The following UTP20 variants were observed in gnomAD, a reference collection of about 807,000 sequenced individuals.
UTP20 encodes the protein small subunit processome component 20 homolog.
In UTP20, 164 loss-of-function variants were observed where a neutral mutation model predicts 329.5. The ratio of observed to expected loss-of-function variants is 0.50; its 90% CI spans 0.44 to 0.57. The LOEUF is 0.57. Among genes scored for constraint, UTP20 ranks in the 20% least tolerant of loss-of-function variants. The probability of loss-of-function intolerance (pLI) is 0.00; values close to 1 mark genes in which losing one functional copy is unlikely to be tolerated. For missense variants in UTP20, 3,055 were observed against 3,284.2 expected, an observed-to-expected ratio of 0.93 and a Z score of 1.71; for synonymous variants, 1,151 against 1,159.3, an observed-to-expected ratio of 0.99 and a Z score of 0.14.
At position 101,319,566 on chromosome 12, in the gene UTP20, A is replaced by T. The variant is rs771779384; in HGVS notation, c.2760A>T (p.Gln920His). Residue 920 changes from glutamine to histidine, a missense_variant, in exon 23 of 62, where the codon CAA becomes CAT. Transcript: ENST00000261637. ...AAAKQLIAHL[Q>H]VFSKFSNPRA... ...TTAGGCAATTAATTGCTCATTTGCA[A>T]GTTTTCTCTAAATTTTCAAATCCAC... is the stretch of plus-strand genomic sequence containing the variant. 1 of 1,607,376 alleles carries T rather than the reference A, an allele frequency of 6.2e-7. No individual in the cohort carries two copies. Among genetic ancestry groups the T allele is most frequent in the African/African-American group, 1.3e-5 (1 of 74,590 alleles).
chr12:101,329,482 T>C (rs766595930), intron 27 of UTP20, 33 bp downstream of exon 27: 16 of 1,563,920 alleles, frequency 1.0e-5, no homozygotes, highest in Non-Finnish European at 2.6e-6. Context: ...TCAAGTCAAG[T>C]GCTTGAACTG....
In UTP20 at chr12:101,288,982, C is replaced by T. The variant is rs761702669; in HGVS notation, c.538C>T (p.His180Tyr). 1 of 1,613,818 alleles carries T rather than the reference C, an allele frequency of 6.2e-7. No homozygotes were observed. Among genetic ancestry groups the T allele is most frequent in the East Asian group, 2.2e-5 (1 of 44,870 alleles). ...TAGCATGTACAGCACACTCCTGGCT[C>T]ATAAAAAACTACATATAAGAAATTT... ...IYSMYSTLLA[H>Y]KKLHIRNFAA... Residue 180 changes from histidine (H) to tyrosine (Y), a missense_variant, in exon 6 of 62, where the codon CAT becomes TAT. Around this residue, in one of 3 missense-constraint regions of UTP20, gnomAD observed 2,445 missense variants for 2,575.5 expected, o/e 0.95. Coordinates refer to ENST00000261637, the MANE Select transcript of UTP20 (RefSeq NM_014503.3).
chr12:101,356,499 G>A (rs940448510), intron 41 of UTP20, 55 bp from the exon 42 acceptor site: 25 of 1,454,310 alleles, frequency 1.7e-5, no homozygotes, highest in Non-Finnish European at 2.2e-5. Flanking sequence ...TGCAGTGTTG[G>A]TAGATCACTG....
chr12:101,295,493 G>T lies in UTP20; in HGVS notation c.1265G>T (p.Ser422Ile). 1 of 1,582,030 alleles carries T rather than the reference G, an allele frequency of 6.3e-7. No homozygotes were observed. The highest frequency in any genetic ancestry group is 8.6e-7 in the Non-Finnish European group (1 of 1,161,450). ...MKQFEQLFLP[S>I]FLSYIVNCFL... Reference sequence around the variant, plus strand: ...TCTTAACTTTAGCTTTTTCTACCAAGCTTTCTGTCATATATTGTGAATTGC... The same window carrying T: ...TCTTAACTTTAGCTTTTTCTACCAATCTTTCTGTCATATATTGTGAATTGC... Residue 422 changes from serine to isoleucine, a missense_variant, in exon 12 of 62, where the codon AGC (serine) becomes ATC (isoleucine). Physicochemically the swap from Ser to Ile is moderately radical, Grantham distance 142. Transcript: ENST00000261637.
rs1872132223 is a variant in UTP20, at chr12:101,291,102, A to C, written c.891+214A>C. ...AGATGCAGTAGAAGGCTCTGGAGCC[A>C]GACTGCCTGTTTGAATCTTGACCCT... On this transcript the variant is annotated intron_variant, in intron 8 of 61. Transcript: ENST00000261637. 7.1e-6 allele frequency: 3 copies of C among 420,042 alleles called. No homozygotes were observed. The South Asian group carries it at 1.7e-4, about 24-fold the overall frequency. The allele number at this position is 420,042 out of a possible 1,614,324, so 26.0% of individuals were successfully genotyped here.
In UTP20 at chr12:101,319,590, A is replaced by G; in HGVS notation, c.2784A>G (p.Pro928=). 6.2e-7 allele frequency: 1 copy of G among 1,608,516 alleles called. No individual in the cohort carries two copies. The highest frequency in any genetic ancestry group is 8.5e-7 in the Non-Finnish European group (1 of 1,179,224). The change falls in exon 23 of 62, where the codon CCA becomes CCG. Residue 928 remains proline, a synonymous_variant. Transcript: ENST00000261637. ...AAGTTTTCTCTAAATTTTCAAATCC[A>G]CGGGCCTTATATCTGGAATCCAAAC... ...HLQVFSKFSN[P]RALYLESKLY...
chr12:101,291,668 C>T (rs2137234769), intron 8 of UTP20, 74 bp from the exon 9 acceptor site: 5 of 1,443,344 alleles, frequency 3.5e-6, no homozygotes, highest in Non-Finnish European at 3.7e-6. Flanking sequence ...TTGAACTGTC[C>T]CACAGTTTTT....
At chr12:101,329,877 C>T (rs1322785837) in intron 27 of UTP20, among the ~76,000 whole-genome samples, 2 of 151,674 alleles carry the variant, frequency 1.3e-5, no homozygotes, top group Non-Finnish European at 2.9e-5. Context: ...CGGTAGTGCA[C>T]ACCTGTACTC....
In UTP20 at chr12:101,383,039, A is replaced by T; in HGVS notation, c.7657-2A>T. ...CTTCCCCCACCCCGTTTTTTTTTAA[A>T]GGTTGTTAAGAATTTGTTGTTCGCA... On this transcript the variant is annotated splice_acceptor_variant, in intron 58 of 61. Transcript: ENST00000261637. LOFTEE classifies it high-confidence loss of function. The T allele has an allele frequency of 6.3e-7, 1 of 1,579,586 alleles. No individual in the cohort carries two copies. The highest frequency in any genetic ancestry group is 1.9e-5 in the Admixed American group (1 of 51,308).
At chr12:101,364,017 T>C (rs1870015860) in intron 45 of UTP20, among the ~76,000 whole-genome samples, 1 of 152,068 alleles carries the variant, frequency 6.6e-6, no homozygotes, top group African/African-American at 2.4e-5. Flanking sequence ...CATGAAGAAA[T>C]CCAGAGGCAC....
intron 5 of UTP20, among the ~76,000 whole-genome samples, chr12:101,288,495 A>C (rs557947267): frequency 6.6e-6 from 1 of 152,344 alleles, no homozygotes; most frequent in African/African-American, 2.4e-5. Context: ...AACACAGAGT[A>C]AGTGCTTATA....
At position 101,309,831 on chromosome 12, in the gene UTP20, A is replaced by G. The variant is rs376030827; in HGVS notation, c.2223A>G (p.Glu741=). The part of the protein sequence containing the change: ...NFSALWDPVI[E]LISSHAHEME... ...GTGCACTCTGGGATCCTGTTATTGA[A>G]CTCATAAGGTAAACATGGGTTAAAT... Residue 741 remains glutamate, a synonymous_variant, in exon 19 of 62, where the codon GAA becomes GAG. Transcript: ENST00000261637. 1.9e-6 allele frequency: 3 copies of G among 1,613,418 alleles called. No individual in the cohort carries two copies. Among genetic ancestry groups the G allele is most frequent in the Non-Finnish European group, 2.5e-6 (3 of 1,179,822 alleles).
intron 41 of UTP20, among the ~76,000 whole-genome samples, chr12:101,355,633 G>T (rs531650493): frequency 6.6e-6 from 1 of 152,240 alleles, no homozygotes; most frequent in Admixed American, 6.5e-5. Flanking sequence ...ACTTGTTTAC[G>T]TAGTGTTTAG....
chr12:101,373,325 C>T, intron 52 of UTP20, 76 bp from the exon 53 acceptor site: 1 of 1,391,088 alleles, frequency 7.2e-7, no homozygotes, highest in South Asian at 1.2e-5. Context: ...CACCTTGATA[C>T]AATATTTTCA....
At chr12:101,347,072 G>C (rs1294228719) in intron 38 of UTP20, among the ~76,000 whole-genome samples, 3 of 152,150 alleles carry the variant, frequency 2.0e-5, no homozygotes, top group Non-Finnish European at 4.4e-5. Context: ...TTTTACAGGA[G>C]AGTAATCTGA....
At chr12:101,292,656 G>A (rs1332676191) in intron 10 of UTP20, among the ~76,000 whole-genome samples, 1 of 152,178 alleles carries the variant, frequency 6.6e-6, no homozygotes, top group Non-Finnish European at 1.5e-5. Context: ...AGAGGGAACA[G>A]AAAAGACGTG....
At chr12:101,365,072 T>TATTGTG (rs1555202433) in intron 45 of UTP20, among the ~76,000 whole-genome samples, 1 of 141,916 alleles carries the variant, frequency 7.0e-6, no homozygotes, top group Non-Finnish European at 1.5e-5. Flanking sequence ...ATTTTGTTGA[T>TATTGTG]TGTGTGTGTG....
Position 101,367,922 on chromosome 12 carries a change from G to T in UTP20, c.6330G>T (p.Met2110Ile). 1 of 1,613,872 alleles carries T rather than the reference G, an allele frequency of 6.2e-7. No homozygotes were observed. Among genetic ancestry groups the T allele is most frequent in the South Asian group, 1.1e-5 (1 of 91,084 alleles). The change falls in exon 48 of 62, where the codon ATG (methionine) becomes ATT (isoleucine). Residue 2110 changes from methionine (M) to isoleucine (I), a missense_variant. By Grantham distance (10) the Met-to-Ile change is conservative. This residue lies in a region of UTP20 where 2,445 missense variants were observed against 2,575.5 expected (regional missense o/e 0.95). Transcript: ENST00000261637. ...CTTCAGGTGAATGTGTCCTGGAAAT[G>T]CTGGATCCTTTTGTGTCTCTCCTCA... ...IKSSGECVLE[M>I]LDPFVSLLID... is the part of the protein sequence containing the mutation.
chr12:101,326,335 A>G (rs895498520), intron 25 of UTP20, among the ~76,000 whole-genome samples: 4 of 152,120 alleles, frequency 2.6e-5, no homozygotes, highest in Non-Finnish European at 4.4e-5. Flanking sequence ...CAATATCACA[A>G]TTATGCCACA....
Sources: gnomAD v4.1 joint callset for allele counts (sites outside exome capture counted in the v4.1 genomes callset) on GRCh38, gnomAD v4.1.1 for gene constraint, gnomAD v4.1.1 regional missense constraint, MANE v1.5 for transcripts, NCBI Gene and HGNC (gene_info 2026-07-23, HGNC 2026-07-21) for gene names.